AHDC1: variants seen among roughly 807,000 people sequenced by gnomAD.
The protein encoded by AHDC1 is AT-hook DNA binding motif containing 1, also known as transcription factor Gibbin.
AHDC1 carries 7 observed loss-of-function variants against 87.9 expected under a neutral mutation model. The ratio of observed to expected loss-of-function variants is 0.08; its 90% CI spans 0.05 to 0.15. The LOEUF is 0.15. Ranked by LOEUF, AHDC1 falls within the 10% of genes least tolerant of loss-of-function variation. The pLI is 1.00. For synonymous variants in AHDC1, 1,051 were observed against 1,006.8 expected (o/e 1.04, Z -0.83); for missense variants, 1,841 against 2,253.2 (o/e 0.82, Z 3.70).
At chr1:27,557,123 GC>G (rs1461481680) in intron 5 of AHDC1, among the ~76,000 whole-genome samples, 2 of 110,400 alleles carry the variant, frequency 1.8e-5, no homozygotes, top group Non-Finnish European at 3.7e-5. Flanking sequence ...CCCCAGAACC[GC>G]CCCCTGCCAG....
Position 27,548,238 on chromosome 1 carries a change from G to A in AHDC1, c.3878C>T (p.Ala1293Val). The change falls in exon 8 of 9, where the codon GCC (alanine) becomes GTC (valine). Residue 1293 changes from alanine (A) to valine (V), a missense_variant. By Grantham distance (64) the Ala-to-Val change is moderately conservative. Coordinates refer to ENST00000673934, the MANE Select transcript of AHDC1 (RefSeq NM_001371928.1). ...TGGCTGTGGCTTGGGGATGAACTTG[G>A]CTTTGGCCGCTGCGCCACCCCGCTC... ...KKERGGAAAKAKFIPKPQPVN... is the reference protein window; with the variant it reads ...KKERGGAAAKVKFIPKPQPVN... 2 of 1,612,682 alleles carry A rather than the reference G, an allele frequency of 1.2e-6. No individual in the cohort carries two copies. The highest frequency in any genetic ancestry group is 1.3e-5 in the African/African-American group (1 of 75,054).
chr1:27,566,846 A>AG (rs111600412), intron 3 of AHDC1, among the ~76,000 whole-genome samples: 10,138 of 72,888 alleles, frequency 0.14, 411 homozygotes, highest in African/African-American at 0.19. Flanking sequence ...CTGTCGAGGG[A>AG]GGGGGGCCTG....
At chr1:27,592,869 G>C (rs569611356) in intron 3 of AHDC1, among the ~76,000 whole-genome samples, 13 of 151,526 alleles carry the variant, frequency 8.6e-5, no homozygotes, top group African/African-American at 2.9e-4. Flanking sequence ...CCTCTACCTC[G>C]GGCCCAGCTC....
At chr1:27,596,826 CAT>C (rs931268606) in intron 3 of AHDC1, among the ~76,000 whole-genome samples, 1 of 152,028 alleles carries the variant, frequency 6.6e-6, no homozygotes, top group Middle Eastern at 3.2e-3. Flanking sequence ...TGCATCCACA[CAT>C]ACATACCTGA....
At chr1:27,541,829 C>G (rs559482371) in intron 8 of AHDC1, among the ~76,000 whole-genome samples, 171 of 152,286 alleles carry the variant, frequency 1.1e-3, no homozygotes, top group African/African-American at 3.7e-3. Context: ...AGGGTTTCAC[C>G]ACGTTAGCCA....
At position 27,558,770 on chromosome 1, in the gene AHDC1, G is replaced by A; in HGVS notation, c.-515C>T. On this transcript the variant is annotated 5_prime_UTR_variant, in exon 4 of 9. Transcript: ENST00000673934. The surrounding 1 kb of genome is among the most constrained non-coding windows in gnomAD (Gnocchi z 5.6). ...GGCCTGTCTTCATCAGCATCTCCAG[G>A]GTGGTCTCTGCAACGGCCTGAGCGT... The A allele has an allele frequency of 2.5e-6, 1 of 398,680 alleles. No individual in the cohort carries two copies. Among genetic ancestry groups the A allele is most frequent in the Non-Finnish European group, 4.4e-6 (1 of 226,096 alleles). The allele number at this position is 398,680 out of a possible 1,614,324, so 24.7% of individuals were successfully genotyped here. A position where few individuals can be genotyped will look rare whatever the true frequency, so the allele number is the denominator to read the frequency against.
At chr1:27,599,632 G>A (rs1324918339) in intron 3 of AHDC1, among the ~76,000 whole-genome samples, 3 of 152,186 alleles carry the variant, frequency 2.0e-5, no homozygotes, top group Admixed American at 6.5e-5. Flanking sequence ...AGTGGGGGGC[G>A]TCCAACTGGA....
chr1:27,564,462 G>T (rs1195656931), intron 3 of AHDC1, among the ~76,000 whole-genome samples: 4 of 152,232 alleles, frequency 2.6e-5, no homozygotes, highest in Non-Finnish European at 5.9e-5. Flanking sequence ...AAGAGTGCCA[G>T]CCTCATGAGA....
chr1:27,536,560 G>T (rs1027412947), intron 8 of AHDC1, among the ~76,000 whole-genome samples: 1 of 152,158 alleles, frequency 6.6e-6, no homozygotes, highest in African/African-American at 2.4e-5. Flanking sequence ...CAGTCAGGCG[G>T]TAAACAGGCT....
Position 27,565,434 on chromosome 1 carries a change from A to G in AHDC1, c.-628-6551T>C, listed in dbSNP as rs1240156038. Among the ~76,000 whole-genome samples the G allele has an allele frequency of 6.6e-6, 1 of 152,188 alleles. No individual in the cohort carries two copies. The highest frequency in any genetic ancestry group is 2.1e-4 in the South Asian group (1 of 4,830). On this transcript the variant is annotated intron_variant, in intron 3 of 8. Transcript: ENST00000673934. The surrounding 1 kb of genome is among the most constrained non-coding windows in gnomAD (Gnocchi z 4.6). Reference sequence around the variant, plus strand: ...GACAGAGGCCACTGCCCAGACTGGGAGGGCGGGCCAGACAGCAGGGGCTGC... The same window carrying G: ...GACAGAGGCCACTGCCCAGACTGGGGGGGCGGGCCAGACAGCAGGGGCTGC...
At chr1:27,575,332 C>A (rs879926770) in intron 3 of AHDC1, among the ~76,000 whole-genome samples, 10 of 152,184 alleles carry the variant, frequency 6.6e-5, no homozygotes, top group African/African-American at 2.4e-4. Flanking sequence ...GGGGCGTTGC[C>A]TGCACCTGGC....
At chr1:27,554,368 C>T (rs185200429) in intron 5 of AHDC1, among the ~76,000 whole-genome samples, 14 of 152,338 alleles carry the variant, frequency 9.2e-5, no homozygotes, top group African/African-American at 3.4e-4. Context: ...CAATTACTTG[C>T]GTGACTGGCT....
chr1:27,552,274 C>T lies in AHDC1; in HGVS notation c.-74-85G>A, dbSNP rs181761626. ...CATATCCTTGATGAGCTCCTGGACC[C>T]CTCCCTCCTGAGGTCTCATCTCCTT... On this transcript the variant is annotated intron_variant, in intron 7 of 8. Coordinates refer to ENST00000673934, the MANE Select transcript of AHDC1 (RefSeq NM_001371928.1). 370 of 1,271,368 alleles carry T rather than the reference C, an allele frequency of 2.9e-4. 2 individuals carry two copies. The African/African-American group carries it at 5.1e-3, about 18-fold the overall frequency. The allele number at this position is 1,271,368 out of a possible 1,614,324, so 78.8% of individuals were successfully genotyped here.
At chr1:27,602,995 C>A (rs1249985706) in intron 3 of AHDC1, among the ~76,000 whole-genome samples, 4 of 142,978 alleles carry the variant, frequency 2.8e-5, no homozygotes, top group African/African-American at 5.1e-5. Flanking sequence ...TTCCCCCCCC[C>A]CCCACATTCT....
At chr1:27,596,582 C>A (rs2089377672) in intron 3 of AHDC1, among the ~76,000 whole-genome samples, 1 of 152,114 alleles carries the variant, frequency 6.6e-6, no homozygotes, top group Non-Finnish European at 1.5e-5. Flanking sequence ...CTGCTCCAAT[C>A]CAGGCAACAG....
At chr1:27,539,059 T>C (rs562596067) in intron 8 of AHDC1, among the ~76,000 whole-genome samples, 9 of 152,118 alleles carry the variant, frequency 5.9e-5, no homozygotes, top group African/African-American at 2.2e-4. Flanking sequence ...ATTCACTGAA[T>C]TATCGATGAG....
In AHDC1 at chr1:27,549,179, G is replaced by A. The variant is rs1397291743; in HGVS notation, c.2937C>T (p.Ser979=). Residue 979 remains serine, a synonymous_variant, in exon 8 of 9, where the codon AGC becomes AGT. Transcript: ENST00000673934. ...TAAAGGGCTTAGTTGGGGCGAATAC[G>A]CTTTGTCCGGCCCCATAGCCGCCGT... ...PQYGGYGAGQ[S]VFAPTKPFTG... 32 of 1,582,096 alleles carry A rather than the reference G, an allele frequency of 2.0e-5. No individual in the cohort carries two copies. The highest frequency in any genetic ancestry group is 1.0e-4 in the Admixed American group (6 of 58,380).
intron 8 of AHDC1, 76 bp from the exon 9 acceptor site, chr1:27,534,992 A>G (rs972368369): frequency 4.6e-5 from 7 of 152,138 alleles, no homozygotes; most frequent in African/African-American, 1.7e-4. Context: ...GGAAGTGAAG[A>G]GGGAGACCCC....
At chr1:27,557,522 G>A (rs1229934547) in intron 5 of AHDC1, among the ~76,000 whole-genome samples, 1 of 152,146 alleles carries the variant, frequency 6.6e-6, no homozygotes, top group Non-Finnish European at 1.5e-5. Flanking sequence ...GCACTGCTGA[G>A]CCCAGCTCAG....
Sources: gnomAD v4.1 joint callset for allele counts (sites outside exome capture counted in the v4.1 genomes callset) on GRCh38, gnomAD v4.1.1 for gene constraint, Gnocchi (gnomAD v3.1) non-coding constraint, MANE v1.5 for transcripts, NCBI Gene and HGNC (gene_info 2026-07-23, HGNC 2026-07-21) for gene names.